The following CRYL1 variants were observed in gnomAD, a reference collection of about 807,000 sequenced individuals.
The protein encoded by CRYL1 is crystallin lambda 1.
A neutral mutation model predicts 36.6 loss-of-function variants in CRYL1; 29 were observed. The observed-to-expected ratio is 0.79, with a 90% CI of 0.59 to 1.08. The LOEUF (loss-of-function observed/expected upper bound fraction) is 1.08. Among genes scored for constraint, CRYL1 ranks in the 50% least tolerant of loss-of-function variants. CRYL1 has a pLI of 0.00. For synonymous variants in CRYL1, 152 were observed against 151.5 expected (o/e 1.00, Z -0.02); for missense variants, 411 against 407.9 (o/e 1.01, Z -0.06).
At chr13:20,511,911 A>T (rs1267988786) in intron 2 of CRYL1, among the ~76,000 whole-genome samples, 1 of 152,222 alleles carries the variant, frequency 6.6e-6, no homozygotes, top group Non-Finnish European at 1.5e-5. Flanking sequence ...TCACACCTTT[A>T]ACTAGTACCG....
rs2137356899 is a variant in CRYL1, at chr13:20,404,206, A to G, written c.883T>C (p.Leu295=). 6.2e-7 allele frequency: 1 copy of G among 1,614,026 alleles called. No homozygotes were observed. Among genetic ancestry groups the G allele is most frequent in the East Asian group, 2.2e-5 (1 of 44,886 alleles). Reference sequence around the variant, plus strand: ...TCCCTCCACTGCCTCCTGGCAGCTAAGTGCTCCGGGTCATCAGGGACCTTC... The same window carrying G: ...TCCCTCCACTGCCTCCTGGCAGCTAGGTGCTCCGGGTCATCAGGGACCTTC... ...CMKVPDDPEH[L]AARRQWRDEC... The change falls in exon 8 of 8, where the codon TTA becomes CTA. Residue 295 remains leucine (L), a synonymous_variant. Coordinates refer to ENST00000298248, the MANE Select transcript of CRYL1 (RefSeq NM_015974.3).
chr13:20,513,282 A>G (rs2033946348), intron 1 of CRYL1, among the ~76,000 whole-genome samples: 1 of 152,004 alleles, frequency 6.6e-6, no homozygotes. Flanking sequence ...GAGACACAAG[A>G]CCCGTTAGTG....
At chr13:20,463,574 A>C (rs752774638) in intron 3 of CRYL1, among the ~76,000 whole-genome samples, 51 of 152,150 alleles carry the variant, frequency 3.4e-4, no homozygotes, top group Non-Finnish European at 5.9e-4. Context: ...GATTTATTGG[A>C]GAGACTTCTC....
intron 5 of CRYL1, chr13:20,431,801 C>T (rs899297620): frequency 1.6e-5 from 21 of 1,304,794 alleles, no homozygotes; most frequent in Middle Eastern, 2.5e-4. Flanking sequence ...CAGTGGGCCA[C>T]ATAGGTTATT....
At chr13:20,497,705 C>A (rs2033636691) in intron 2 of CRYL1, among the ~76,000 whole-genome samples, 3 of 148,158 alleles carry the variant, frequency 2.0e-5, no homozygotes, top group Admixed American at 2.0e-4. Context: ...ACATATATGC[C>A]CTACACACAC....
chr13:20,437,361 G>A (rs2032246898), intron 4 of CRYL1, among the ~76,000 whole-genome samples: 1 of 150,130 alleles, frequency 6.7e-6, no homozygotes, highest in African/African-American at 2.5e-5. Flanking sequence ...AGGCTGGAGT[G>A]CAGTGGCGCG....
In CRYL1 at chr13:20,462,755, G is replaced by A. The variant is rs188040679; in HGVS notation, c.277-23001C>T. On this transcript the variant is annotated intron_variant, in intron 3 of 7. Transcript: ENST00000298248. The stretch of plus-strand genomic sequence containing the variant: ...TTGTCTCCTAAAGCAGCAGGCATAC[G>A]ATGCAGGTTTTCCAATACCTGCAGG... 4.0e-3 allele frequency among the ~76,000 whole-genome samples: 614 copies of A among 151,776 alleles called. 5 individuals are homozygous for A. The highest frequency in any genetic ancestry group is 8.3e-3 in the Admixed American group (127 of 15,234).
intron 3 of CRYL1, among the ~76,000 whole-genome samples, chr13:20,459,235 CAAAAAA>C (rs61255031): frequency 6.4e-5 from 5 of 78,436 alleles, no homozygotes; most frequent in African/African-American, 1.5e-4. Context: ...GACTCCATCT[CAAAAAA>C]AAAAAAAAAA....
At chr13:20,442,195 T>G (rs2032365875) in intron 3 of CRYL1, among the ~76,000 whole-genome samples, 1 of 152,270 alleles carries the variant, frequency 6.6e-6, no homozygotes, top group South Asian at 2.1e-4. Context: ...CTTGAAATTC[T>G]ATGCCTTTCT....
At chr13:20,490,229 A>G in intron 2 of CRYL1, among the ~76,000 whole-genome samples, 1 of 152,164 alleles carries the variant, frequency 6.6e-6, no homozygotes, top group East Asian at 1.9e-4. Context: ...CATCTCTACT[A>G]AAAATACGAA....
chr13:20,524,620 G>A (rs1376296414), intron 1 of CRYL1, among the ~76,000 whole-genome samples: 1 of 151,990 alleles, frequency 6.6e-6, no homozygotes, highest in Non-Finnish European at 1.5e-5. Flanking sequence ...CAGATGATCC[G>A]CCTGCCTCGG....
intron 3 of CRYL1, among the ~76,000 whole-genome samples, chr13:20,473,694 C>G (rs1322091685): frequency 6.6e-6 from 1 of 152,228 alleles, no homozygotes; most frequent in Non-Finnish European, 1.5e-5. Flanking sequence ...GGGCTAGGTA[C>G]TTGCAACACA....
At chr13:20,501,591 T>C (rs2033705268) in intron 2 of CRYL1, among the ~76,000 whole-genome samples, 1 of 152,134 alleles carries the variant, frequency 6.6e-6, no homozygotes, top group Non-Finnish European at 1.5e-5. Context: ...GAGCTAAAGA[T>C]GGGGAAGAAT....
intron 3 of CRYL1, among the ~76,000 whole-genome samples, chr13:20,483,404 A>G (rs1252257421): frequency 6.6e-6 from 1 of 152,082 alleles, no homozygotes; most frequent in Non-Finnish European, 1.5e-5. Flanking sequence ...ATCTCGGCTC[A>G]CTGCAAGCTC....
At chr13:20,486,101 G>A (rs1165964513) in intron 3 of CRYL1, among the ~76,000 whole-genome samples, 1 of 151,720 alleles carries the variant, frequency 6.6e-6, no homozygotes, top group African/African-American at 2.4e-5. Context: ...TGTATTTTCA[G>A]TAGAGATGAG....
chr13:20,507,281 A>G (rs1310821689), intron 2 of CRYL1, among the ~76,000 whole-genome samples: 4 of 152,264 alleles, frequency 2.6e-5, no homozygotes, highest in African/African-American at 9.6e-5. Flanking sequence ...TTATACGAAC[A>G]AAGTTCGATG....
chr13:20,424,160 T>C (rs1486811703), intron 5 of CRYL1, among the ~76,000 whole-genome samples: 3 of 152,206 alleles, frequency 2.0e-5, no homozygotes, highest in African/African-American at 7.2e-5. Flanking sequence ...TCATTGCTTC[T>C]GGCAGAAGAT....
intron 5 of CRYL1, among the ~76,000 whole-genome samples, chr13:20,429,946 T>A (rs1593438254): frequency 1.3e-5 from 2 of 151,926 alleles, no homozygotes; most frequent in South Asian, 4.2e-4. Context: ...CCAACGGAGG[T>A]GCTGCCACTG....
chr13:20,455,451 A>G (rs962830972), intron 3 of CRYL1, among the ~76,000 whole-genome samples: 2 of 146,360 alleles, frequency 1.4e-5, no homozygotes, highest in African/African-American at 5.1e-5. Flanking sequence ...TGAATTGGAA[A>G]ACTCAAGCTA....
Sources: gnomAD v4.1 joint callset for allele counts (sites outside exome capture counted in the v4.1 genomes callset) on GRCh38, gnomAD v4.1.1 for gene constraint, MANE v1.5 for transcripts, NCBI Gene and HGNC (gene_info 2026-07-23, HGNC 2026-07-21) for gene names.